The following KCNK2 variants were observed in gnomAD, a reference collection of about 807,000 sequenced individuals.
The protein encoded by KCNK2 is potassium channel subfamily K member 2.
A neutral mutation model predicts 40.5 loss-of-function variants in KCNK2; 21 were observed. The observed-to-expected ratio is 0.52, with a 90% CI of 0.37 to 0.75. The LOEUF (loss-of-function observed/expected upper bound fraction) is 0.75. Ranked by LOEUF, KCNK2 falls within the 30% of genes least tolerant of loss-of-function variation. The pLI, the probability that KCNK2 is intolerant of heterozygous loss-of-function variation, is 0.00. For missense variants in KCNK2, 399 were observed against 531.6 expected, an observed-to-expected ratio of 0.75 and a Z score of 2.45; for synonymous variants, 191 against 202.2, an observed-to-expected ratio of 0.94 and a Z score of 0.47.
chr1:215,183,350 A>G (rs1176348675), intron 5 of KCNK2, among the ~76,000 whole-genome samples: 1 of 152,112 alleles, frequency 6.6e-6, no homozygotes. Context: ...TTTTTTCTCT[A>G]AGATATTTAC....
intron 2 of KCNK2, among the ~76,000 whole-genome samples, chr1:215,090,967 C>T (rs1213553221): frequency 2.0e-5 from 3 of 152,048 alleles, no homozygotes; most frequent in Non-Finnish European, 4.4e-5. Context: ...GGGTGTTGAG[C>T]CATTTAAGAT....
chr1:215,113,356 A>G (rs1478156462), intron 2 of KCNK2, among the ~76,000 whole-genome samples: 4 of 152,022 alleles, frequency 2.6e-5, no homozygotes, highest in Admixed American at 2.6e-4. Context: ...CAAGACCTGA[A>G]CCTGGCTTGC....
intron 5 of KCNK2, among the ~76,000 whole-genome samples, chr1:215,185,251 T>C (rs184676805): frequency 6.6e-6 from 1 of 152,330 alleles, no homozygotes; most frequent in East Asian, 1.9e-4. Flanking sequence ...AAATTGACAC[T>C]ATTTTTGCTG....
chr1:215,175,647 T>A (rs1663935471), intron 5 of KCNK2, among the ~76,000 whole-genome samples: 1 of 152,052 alleles, frequency 6.6e-6, no homozygotes, highest in Non-Finnish European at 1.5e-5. Context: ...CTTGCCCCCT[T>A]CCCTCCCTTC....
chr1:215,064,812 T>C (rs529461960), intron 1 of KCNK2, among the ~76,000 whole-genome samples: 1 of 152,330 alleles, frequency 6.6e-6, no homozygotes, highest in East Asian at 1.9e-4. Context: ...CTTGTAATTA[T>C]ATTATATTAT....
chr1:215,067,265 C>T (rs561590564), intron 1 of KCNK2, among the ~76,000 whole-genome samples: 1 of 151,616 alleles, frequency 6.6e-6, no homozygotes, highest in Non-Finnish European at 1.5e-5. Context: ...CACATGTATC[C>T]CATTAAGTAT....
intron 1 of KCNK2, among the ~76,000 whole-genome samples, chr1:215,069,112 T>C (rs911804025): frequency 6.6e-6 from 1 of 152,164 alleles, no homozygotes; most frequent in Non-Finnish European, 1.5e-5. Context: ...TCTGAGTATG[T>C]CCATTGTAAA....
intron 6 of KCNK2, among the ~76,000 whole-genome samples, chr1:215,207,294 C>T (rs1489193986): frequency 1.3e-5 from 2 of 152,108 alleles, no homozygotes; most frequent in Admixed American, 1.3e-4. Flanking sequence ...CTCATAGGAG[C>T]GGGAACCCTA....
intron 1 of KCNK2, among the ~76,000 whole-genome samples, chr1:215,034,337 C>G (rs1486796728): frequency 7.7e-6 from 1 of 130,354 alleles, no homozygotes; most frequent in African/African-American, 3.0e-5. Context: ...CTGATGGGCA[C>G]TTATGTTGTT....
intron 2 of KCNK2, among the ~76,000 whole-genome samples, chr1:215,105,973 T>A (rs1039451091): frequency 1.3e-5 from 2 of 152,146 alleles, no homozygotes. Context: ...TGTACCACAT[T>A]TTTCTTATTC....
intron 2 of KCNK2, among the ~76,000 whole-genome samples, chr1:215,107,969 A>T (rs760437379): frequency 5.9e-5 from 9 of 152,176 alleles, no homozygotes; most frequent in Non-Finnish European, 1.0e-4. Flanking sequence ...TTCATGGAAG[A>T]CAATTTTTCC....
upstream of KCNK2, among the ~76,000 whole-genome samples, chr1:215,080,260 A>G (rs6688713): frequency 0.75 from 113,814 of 152,126 alleles, 43,056 homozygotes; most frequent in Non-Finnish European, 0.77. Flanking sequence ...CCAGTTTGAC[A>G]GAGGACTAGT....
chr1:215,191,138 C>T (rs1271361179), intron 5 of KCNK2, among the ~76,000 whole-genome samples: 2 of 151,506 alleles, frequency 1.3e-5, no homozygotes, highest in East Asian at 3.9e-4. Flanking sequence ...TACAAAAATT[C>T]GTCAGGCGTG....
At chr1:215,134,530 C>A (rs1661814851) in intron 3 of KCNK2, among the ~76,000 whole-genome samples, 1 of 152,154 alleles carries the variant, frequency 6.6e-6, no homozygotes, top group Non-Finnish European at 1.5e-5. Flanking sequence ...GCTCTCCAAA[C>A]CCCATAGTTC....
rs562683414 is a variant in KCNK2 at position 215,126,159 on chromosome 1, A to G, written c.475+1409A>G. On this transcript the variant is annotated intron_variant, in intron 3 of 6. Coordinates refer to ENST00000444842, the MANE Select transcript of KCNK2 (RefSeq NM_001017425.3). ...ATAAGAGAACATGGAAAATTTACGGATGAACTCTGACTTAAAAGTTTTCCT... is the reference window on the plus strand; with the variant it reads ...ATAAGAGAACATGGAAAATTTACGGGTGAACTCTGACTTAAAAGTTTTCCT... Among the ~76,000 whole-genome samples, 28 of 152,278 alleles carry G rather than the reference A, an allele frequency of 1.8e-4. No individual in the cohort carries two copies. The South Asian group carries it at 3.7e-3, about 20-fold the overall frequency.
intron 2 of KCNK2, among the ~76,000 whole-genome samples, chr1:215,106,038 C>A (rs1660426268): frequency 6.6e-6 from 1 of 151,916 alleles, no homozygotes; most frequent in African/African-American, 2.4e-5. Flanking sequence ...GTGAATAGTG[C>A]TGTGATGAAC....
rs1398995035 is a variant in KCNK2, at chr1:215,086,526, G to A, written c.205G>A (p.Val69Ile). ...GACGGTCTCCACGATATTCCTGGTG[G>A]TTGTCCTCTATCTGATCATCGGAGC... ...WKTVSTIFLV[V>I]VLYLIIGATV... Residue 69 changes from valine to isoleucine, a missense_variant, in exon 2 of 7, where the codon GTT becomes ATT. Val to Ile is a conservative substitution (Grantham distance 29, BLOSUM62 3). This residue lies in a region of KCNK2 where 279 missense variants were observed against 353.8 expected (regional missense o/e 0.79). Coordinates refer to ENST00000444842, the MANE Select transcript of KCNK2 (RefSeq NM_001017425.3). 6.2e-7 allele frequency: 1 copy of A among 1,614,076 alleles called. No individual in the cohort carries two copies. Among genetic ancestry groups the A allele is most frequent in the Non-Finnish European group, 8.5e-7 (1 of 1,180,046 alleles).
At chr1:215,023,232 T>A (rs1656872382) in intron 1 of KCNK2, among the ~76,000 whole-genome samples, 2 of 152,194 alleles carry the variant, frequency 1.3e-5, no homozygotes, top group African/African-American at 2.4e-5. Context: ...GTATCTTTTT[T>A]TCCTGTATGG....
intron 5 of KCNK2, among the ~76,000 whole-genome samples, chr1:215,175,608 C>T (rs576504629): frequency 6.6e-6 from 1 of 152,174 alleles, no homozygotes; most frequent in East Asian, 1.9e-4. Context: ...AGGTACCAAG[C>T]TTAGTACCCA....
Sources: allele counts gnomAD v4.1 joint callset (sites outside exome capture counted in the v4.1 genomes callset), GRCh38; gene constraint gnomAD v4.1.1; regional missense constraint gnomAD v4.1.1; transcripts MANE v1.5; gene names NCBI Gene and HGNC (gene_info 2026-07-23, HGNC 2026-07-21).